Variants in STX16 observed in about 807,000 individuals in gnomAD.
The protein encoded by STX16 is syntaxin 16.
In STX16, 28 loss-of-function variants were observed where a neutral mutation model predicts 42.7. That is an observed-to-expected ratio of 0.66 (90% CI 0.49 to 0.90). The LOEUF (loss-of-function observed/expected upper bound fraction) is 0.90, where lower values mean the gene tolerates loss of function less well. Among genes scored for constraint, STX16 ranks in the 40% least tolerant of loss-of-function variants. The pLI, the probability that STX16 is intolerant of heterozygous loss-of-function variation, is 0.00. For synonymous variants in STX16, 156 were observed against 155.2 expected (o/e 1.00, Z -0.04); for missense variants, 361 against 420.9 (o/e 0.86, Z 1.24).
chr20:58,679,064 TAGA>T lies in STX16; in HGVS notation c.*2776_*2778del, dbSNP rs1181242848. 6.6e-6 allele frequency: 1 copy of T among 152,136 alleles called. No individual in the cohort carries two copies. Among genetic ancestry groups the T allele is most frequent in the Non-Finnish European group, 1.5e-5 (1 of 68,014 alleles). 9.4% of individuals were successfully genotyped at this position (152,136 alleles called of 1,614,324 possible). On this transcript the variant is annotated 3_prime_UTR_variant, in exon 9 of 9. Coordinates refer to ENST00000371141, the MANE Select transcript of STX16 (RefSeq NM_001001433.3). ...GGGTGCAGCTCAGGTTGAGTGGAGG[TAGA>T]AGGAGAAACAGACATGTTTACCACG...
intron 1 of STX16, among the ~76,000 whole-genome samples, chr20:58,654,602 A>G (rs376170028): frequency 3.9e-5 from 6 of 152,212 alleles, no homozygotes; most frequent in African/African-American, 1.4e-4. Context: ...ACTCTTAGCA[A>G]TGCTTTTCAC....
intron 8 of STX16, among the ~76,000 whole-genome samples, chr20:58,675,550 C>T (rs1035271510): frequency 6.6e-6 from 1 of 152,196 alleles, no homozygotes; most frequent in African/African-American, 2.4e-5. Context: ...GGTGCAGCCT[C>T]GTCCCCAGAT....
At chr20:58,661,442 T>C (rs555312641) in intron 2 of STX16, among the ~76,000 whole-genome samples, 1 of 152,380 alleles carries the variant, frequency 6.6e-6, no homozygotes, top group African/African-American at 2.4e-5. Context: ...AGGCCCTGCG[T>C]AGAGAGCACT....
chr20:58,670,411 T>C, intron 5 of STX16, 101 bp from the exon 6 acceptor site: 1 of 906,996 alleles, frequency 1.1e-6, no homozygotes, highest in South Asian at 1.5e-5. Context: ...ATATCTCAAT[T>C]TTGACTGTTG....
At chr20:58,662,994 T>C (rs933048734) in intron 2 of STX16, among the ~76,000 whole-genome samples, 1 of 152,252 alleles carries the variant, frequency 6.6e-6, no homozygotes, top group Non-Finnish European at 1.5e-5. Flanking sequence ...TTCTTAAGCC[T>C]AATTGTCTAT....
chr20:58,672,158 C>T (rs1489096405), intron 7 of STX16, among the ~76,000 whole-genome samples: 1 of 152,046 alleles, frequency 6.6e-6, no homozygotes, highest in Non-Finnish European at 1.5e-5. Flanking sequence ...CATGGTGAAA[C>T]CCCGTCTCTG....
intron 4 of STX16, 35 bp from the exon 5 acceptor site, chr20:58,669,256 C>T: frequency 6.2e-7 from 1 of 1,603,654 alleles, no homozygotes; most frequent in Non-Finnish European, 8.5e-7. Flanking sequence ...GCTTCTCTCC[C>T]AGGCTTGCCC....
intron 2 of STX16, among the ~76,000 whole-genome samples, chr20:58,661,640 A>C (rs1568817678): frequency 6.6e-6 from 1 of 152,200 alleles, no homozygotes; most frequent in African/African-American, 2.4e-5. Context: ...TACCTCGTGC[A>C]TTCATTCCAC....
intron 8 of STX16, among the ~76,000 whole-genome samples, chr20:58,675,384 C>G (rs1403732782): frequency 3.3e-5 from 5 of 152,228 alleles, no homozygotes; most frequent in Non-Finnish European, 4.4e-5. Flanking sequence ...CCTCCCGGCG[C>G]CCTCTGAACT....
At chr20:58,675,109 G>A (rs922276889) in intron 8 of STX16, among the ~76,000 whole-genome samples, 1 of 152,072 alleles carries the variant, frequency 6.6e-6, no homozygotes, top group Non-Finnish European at 1.5e-5. Flanking sequence ...GTGCTCGGCA[G>A]TCGGCTAGTC....
chr20:58,677,940 A>T lies in STX16; in HGVS notation c.*1649A>T, dbSNP rs372819078. ...CTAGAGGGGCCCTGGCATTTCAGGA[A>T]GCGGACCTGGTATTCCCTGACAAAC... On this transcript the variant is annotated 3_prime_UTR_variant, in exon 9 of 9. Transcript: ENST00000371141. The T allele has an allele frequency of 2.6e-5, 4 of 152,204 alleles. No individual in the cohort carries two copies. The highest frequency in any genetic ancestry group is 5.9e-5 in the Non-Finnish European group (4 of 68,052). The allele number at this position is 152,204 out of a possible 1,614,324, so 9.4% of individuals were successfully genotyped here.
chr20:58,673,058 A>G (rs2084018317), intron 7 of STX16, among the ~76,000 whole-genome samples: 1 of 152,204 alleles, frequency 6.6e-6, no homozygotes, highest in Non-Finnish European at 1.5e-5. Context: ...CTTCCAATTT[A>G]ATTGTTTAAG....
At chr20:58,674,626 C>T (rs542681977) in intron 8 of STX16, among the ~76,000 whole-genome samples, 6 of 152,112 alleles carry the variant, frequency 3.9e-5, no homozygotes, top group Non-Finnish European at 7.4e-5. Context: ...AACCAGAAGC[C>T]CTGAGCTGTC....
intron 1 of STX16, 94 bp downstream of exon 1, chr20:58,652,232 G>A (rs2083475343): frequency 1.3e-6 from 2 of 1,525,238 alleles, no homozygotes; most frequent in African/African-American, 2.7e-5. Flanking sequence ...TTTAAAAAGA[G>A]AAGATAAGAA....
At chr20:58,653,855 G>A (rs1173050128) in intron 1 of STX16, among the ~76,000 whole-genome samples, 1 of 141,906 alleles carries the variant, frequency 7.0e-6, no homozygotes, top group Non-Finnish European at 1.5e-5. Flanking sequence ...TAACATGAGG[G>A]TTTTTTTTTT....
Position 58,657,123 on chromosome 20 carries a change from A to AT in STX16, c.133-2492dup, listed in dbSNP as rs1253535439. On this transcript the variant is annotated intron_variant, in intron 1 of 8. Transcript: ENST00000371141. This position sits in a 1 kb window ranked among gnomAD's most constrained non-coding sequence, Gnocchi z 4.2. ...TGGAAGGACCTATTGTTTTAAAACA[A>AT]TTTTTTTTCTTGCAATAGGCTAGCA... Among the ~76,000 whole-genome samples, 5 of 151,976 alleles carry AT rather than the reference A, an allele frequency of 3.3e-5. No individual in the cohort carries two copies. The highest frequency in any genetic ancestry group is 6.6e-5 in the Admixed American group (1 of 15,264).
chr20:58,670,281 A>T (rs138351285), intron 5 of STX16, among the ~76,000 whole-genome samples: 1 of 152,362 alleles, frequency 6.6e-6, no homozygotes, highest in East Asian at 1.9e-4. Context: ...TGAATTGTGC[A>T]CATTTACACT....
chr20:58,671,406 T>G, intron 7 of STX16, 109 bp downstream of exon 7: 1 of 1,003,628 alleles, frequency 1.0e-6, no homozygotes, highest in Non-Finnish European at 1.4e-6. Flanking sequence ...TTTCCCAACA[T>G]GTGTGTGCAC....
intron 5 of STX16, among the ~76,000 whole-genome samples, chr20:58,669,712 T>C (rs1408920603): frequency 6.6e-6 from 1 of 152,164 alleles, no homozygotes; most frequent in Non-Finnish European, 1.5e-5. Context: ...ATTTGTTTTG[T>C]GTCAAGCTGC....
Sources: allele counts gnomAD v4.1 joint callset (sites outside exome capture counted in the v4.1 genomes callset), GRCh38; gene constraint gnomAD v4.1.1; non-coding constraint Gnocchi (gnomAD v3.1); transcripts MANE v1.5; gene names NCBI Gene and HGNC (gene_info 2026-07-23, HGNC 2026-07-21).